The following ELSPBP1 variants were observed in gnomAD, a reference collection of about 807,000 sequenced individuals.
ELSPBP1 encodes epididymal sperm binding protein 1.
In ELSPBP1, 38 loss-of-function variants were observed where a neutral mutation model predicts 33.3. That is an observed-to-expected ratio of 1.14 (90% CI 0.88 to 1.50). ELSPBP1 has a LOEUF of 1.50. Ranked by LOEUF, ELSPBP1 falls within the 40% of genes most tolerant of loss-of-function variation. The pLI is 0.00. For synonymous variants in ELSPBP1, 85 were observed against 94.1 expected (o/e 0.90, Z 0.56); for missense variants, 267 against 263.5 (o/e 1.01, Z -0.09).
intron 5 of ELSPBP1, 106 bp downstream of exon 5, chr19:48,019,983 C>G: frequency 8.2e-7 from 1 of 1,215,852 alleles, no homozygotes; most frequent in Non-Finnish European, 1.1e-6. Flanking sequence ...GAGTTGGGCA[C>G]TGAGGATCTG....
chr19:48,009,597 C>A (rs145402289), intron 2 of ELSPBP1, among the ~76,000 whole-genome samples: 439 of 152,232 alleles, frequency 2.9e-3, no homozygotes, highest in Non-Finnish European at 4.4e-3. Context: ...GCTCAGGAAC[C>A]ATTTGCATAT....
chr19:48,013,327 T>G (rs964165526), intron 2 of ELSPBP1, among the ~76,000 whole-genome samples: 1 of 152,198 alleles, frequency 6.6e-6, no homozygotes, highest in African/African-American at 2.4e-5. Flanking sequence ...GAACTGGATA[T>G]GCTCTGACAT....
At chr19:48,008,132 T>G (rs555567401) in intron 1 of ELSPBP1, among the ~76,000 whole-genome samples, 15 of 152,164 alleles carry the variant, frequency 9.9e-5, no homozygotes, top group Non-Finnish European at 2.1e-4. Flanking sequence ...TGATACAGCC[T>G]GTGCTTCCAG....
Position 48,022,249 on chromosome 19 carries a change from C to A in ELSPBP1, c.594C>A (p.Asn198Lys), listed in dbSNP as rs779511106. 6 of 1,613,960 alleles carry A rather than the reference C, an allele frequency of 3.7e-6. No individual in the cohort carries two copies. The highest frequency in any genetic ancestry group is 5.1e-6 in the Non-Finnish European group (6 of 1,179,918). Residue 198 changes from asparagine to lysine, a missense_variant, in exon 6 of 7, where the codon AAC (asparagine) becomes AAA (lysine). Coordinates refer to ENST00000339841, the MANE Select transcript of ELSPBP1 (RefSeq NM_022142.5). ...YKNKNYFNCT[N>K]EGSKENLVWC... ...ACAAGAATTATTTTAACTGCACTAACGAAGGATCAAAGGAGAACCTTGTGT... is the reference window on the plus strand; with the variant it reads ...ACAAGAATTATTTTAACTGCACTAAAGAAGGATCAAAGGAGAACCTTGTGT...
intron 2 of ELSPBP1, among the ~76,000 whole-genome samples, chr19:48,010,602 A>G (rs910749349): frequency 6.6e-6 from 1 of 152,216 alleles, no homozygotes; most frequent in Non-Finnish European, 1.5e-5. Flanking sequence ...TATAAGTGTG[A>G]GGAAGAGTAT....
chr19:48,012,714 T>G (rs1967091192), intron 2 of ELSPBP1, among the ~76,000 whole-genome samples: 1 of 152,190 alleles, frequency 6.6e-6, no homozygotes, highest in African/African-American at 2.4e-5. Flanking sequence ...ACGTCGAAAG[T>G]TGTCCCCTCA....
Position 48,016,476 on chromosome 19 carries a change from C to T in ELSPBP1, c.355+437C>T, listed in dbSNP as rs992043238. 3.3e-3 allele frequency among the ~76,000 whole-genome samples: 168 copies of T among 51,458 alleles called. 1 individual carries two copies. Among genetic ancestry groups the T allele is most frequent in the African/African-American group, 0.018 (147 of 8,004 alleles). The allele number at this position is 51,458 out of a possible 152,430, so 33.8% of individuals were successfully genotyped here. A position where few individuals can be genotyped will look rare whatever the true frequency, so the allele number is the denominator to read the frequency against. On this transcript the variant is annotated intron_variant, in intron 4 of 6. Coordinates refer to ENST00000339841, the MANE Select transcript of ELSPBP1 (RefSeq NM_022142.5). ...CTTTCTTTTCTTTCCTTCTTTCTTT[C>T]TTTCTTTCTTTCTTTCTTTCTTTCT...
chr19:48,008,715 C>T lies in ELSPBP1; in HGVS notation c.48C>T (p.Leu16=), dbSNP rs1967047919. 1 of 1,613,772 alleles carries T rather than the reference C, an allele frequency of 6.2e-7. No homozygotes were observed. The highest frequency in any genetic ancestry group is 8.5e-7 in the Non-Finnish European group (1 of 1,179,850). Residue 16 remains leucine, a synonymous_variant, in exon 2 of 7, where the codon CTC becomes CTT. Transcript: ENST00000339841. ...TGTTGGGATGGACAACCTTCCTTCTCTATTCCTATGAGTCAAGTGGAGGTA... is the reference window on the plus strand; with the variant it reads ...TGTTGGGATGGACAACCTTCCTTCTTTATTCCTATGAGTCAAGTGGAGGTA... The part of the protein sequence containing the change: ...SYLLGWTTFL[L]YSYESSGGMH...
intron 3 of ELSPBP1, 57 bp from the exon 4 acceptor site, chr19:48,015,834 ACT>A: frequency 2.0e-6 from 3 of 1,502,912 alleles, no homozygotes; most frequent in East Asian, 2.3e-5. Flanking sequence ...TGATTAAATG[ACT>A]CTGTCCTGTG....
intron 1 of ELSPBP1, among the ~76,000 whole-genome samples, chr19:47,999,387 CTTTTTTT>C (rs397937280): frequency 5.4e-5 from 7 of 129,976 alleles, no homozygotes; most frequent in African/African-American, 2.0e-4. Context: ...AGCCTCATTT[CTTTTTTT>C]TTTTTTTTTT....
intron 2 of ELSPBP1, among the ~76,000 whole-genome samples, chr19:48,009,136 C>CAAAAAAA (rs59636614): frequency 7.3e-6 from 1 of 136,394 alleles, no homozygotes; most frequent in Non-Finnish European, 1.6e-5. Context: ...AACTCCCTCT[C>CAAAAAAA]AAAAAAAAAA....
chr19:48,023,532 G>GAAGGAAGAAAGGAATGAAGT (rs1555736363), intron 6 of ELSPBP1, among the ~76,000 whole-genome samples: 1 of 108,048 alleles, frequency 9.3e-6, no homozygotes, highest in Admixed American at 9.5e-5. Flanking sequence ...AGGAAGGGAG[G>GAAGGAAGAAAGGAATGAAGT]AAGGAAAGAA....
At chr19:48,007,543 ATTCC>A (rs1967033981) in intron 1 of ELSPBP1, among the ~76,000 whole-genome samples, 4 of 152,192 alleles carry the variant, frequency 2.6e-5, no homozygotes, top group Admixed American at 1.3e-4. Context: ...CAGACCACCA[ATTCC>A]AAACTGTGGG....
chr19:48,016,028 G>C lies in ELSPBP1; in HGVS notation c.344G>C (p.Cys115Ser). 6.2e-7 allele frequency: 1 copy of C among 1,613,430 alleles called. No individual in the cohort carries two copies. The highest frequency in any genetic ancestry group is 1.3e-5 in the African/African-American group (1 of 75,042). Residue 115 changes from cysteine (C) to serine (S), a missense_variant, in exon 4 of 7, where the codon TGT becomes TCT. Transcript: ENST00000339841. Reference sequence around the variant, plus strand: ...GATGAGAAACAGCAGTGGAAATTCTGTGAAACGAATGGTGAGCCCCTGTAG... The same window carrying C: ...GATGAGAAACAGCAGTGGAAATTCTCTGAAACGAATGGTGAGCCCCTGTAG... Reference protein sequence around the residue: ...VFDEKQQWKFCETNEYGGNSL... With the variant: ...VFDEKQQWKFSETNEYGGNSL...
chr19:48,021,826 C>T (rs552098258), intron 5 of ELSPBP1, among the ~76,000 whole-genome samples: 5 of 151,988 alleles, frequency 3.3e-5, no homozygotes, highest in East Asian at 1.9e-4. Flanking sequence ...GGCTCAATGC[C>T]GCCTCGACCT....
chr19:48,008,349 C>T (rs374684884), intron 1 of ELSPBP1, among the ~76,000 whole-genome samples: 1 of 152,176 alleles, frequency 6.6e-6, no homozygotes, highest in Non-Finnish European at 1.5e-5. Flanking sequence ...CCTCTTGCCT[C>T]AGCCTCCTGA....
At position 47,998,630 on chromosome 19, in the gene ELSPBP1, CA is replaced by C. The variant is rs376846657; in HGVS notation, c.-18+3826del. On this transcript the variant is annotated intron_variant, in intron 1 of 6. Coordinates refer to ENST00000339841, the MANE Select transcript of ELSPBP1 (RefSeq NM_022142.5). The stretch of plus-strand genomic sequence containing the variant: ...TGAAACCCCGTCTTTACTAAAAATA[CA>C]AAAAAATCAGCCGAGCGTGGTGGTG... 3.9e-3 allele frequency among the ~76,000 whole-genome samples: 595 copies of C among 151,460 alleles called. 1 individual carries two copies. Among genetic ancestry groups the C allele is most frequent in the African/African-American group, 0.014 (562 of 41,328 alleles).
intron 4 of ELSPBP1, among the ~76,000 whole-genome samples, chr19:48,018,795 T>TA (rs1555735956): frequency 2.9e-4 from 44 of 151,166 alleles, no homozygotes; most frequent in South Asian, 8.4e-4. Flanking sequence ...CCAAAGGAAA[T>TA]TAAAAAAAAA....
At chr19:48,018,639 C>T (rs1242892753) in intron 4 of ELSPBP1, among the ~76,000 whole-genome samples, 7 of 152,270 alleles carry the variant, frequency 4.6e-5, no homozygotes, top group East Asian at 1.9e-4. Flanking sequence ...CAGTTTTACA[C>T]ATGGACAAAC....
Sources: allele counts gnomAD v4.1 joint callset (sites outside exome capture counted in the v4.1 genomes callset), GRCh38; gene constraint gnomAD v4.1.1; transcripts MANE v1.5; gene names NCBI Gene and HGNC (gene_info 2026-07-23, HGNC 2026-07-21).